FAM91A1: variants seen among roughly 807,000 people sequenced by gnomAD.
FAM91A1 encodes the protein family with sequence similarity 91 member A1, also known as protein FAM91A1.
A neutral mutation model predicts 113.5 loss-of-function variants in FAM91A1; 41 were observed. The observed-to-expected ratio is 0.36, with a 90% confidence interval of 0.28 to 0.47. FAM91A1 has a LOEUF of 0.47. FAM91A1 is among the 20% of genes least tolerant of loss of function. The probability of loss-of-function intolerance (pLI) is 1.00; values close to 1 mark genes in which losing one functional copy is unlikely to be tolerated. For missense variants in FAM91A1, 696 were observed against 1,001.2 expected (o/e 0.70, Z 4.11); for synonymous variants, 307 against 347.9 (o/e 0.88, Z 1.31).
intron 4 of FAM91A1, among the ~76,000 whole-genome samples, chr8:123,777,704 T>C (rs1411896871): frequency 6.6e-6 from 1 of 152,238 alleles, no homozygotes; most frequent in Non-Finnish European, 1.5e-5. Flanking sequence ...ATGCTTACTT[T>C]GGCAAAGTGT....
rs903341811 is a variant in FAM91A1 at position 123,768,513 on chromosome 8, G to T, written c.-190G>T. 7.7e-6 allele frequency: 4 copies of T among 519,230 alleles called. No homozygotes were observed. In the African/African-American group the frequency reaches 8.2e-5, roughly 11 times the overall value. 32.2% of individuals were successfully genotyped at this position (519,230 alleles called of 1,614,324 possible). A position where few individuals can be genotyped will look rare whatever the true frequency, so the allele number is the denominator to read the frequency against. ...GGCGATCCAGCCTCCAATCGCTGCT[G>T]CTCTTGTACTCGGTTGGCCCGGGCG... On this transcript the variant is annotated 5_prime_UTR_variant, in exon 1 of 24. Transcript: ENST00000334705.
intron 16 of FAM91A1, among the ~76,000 whole-genome samples, chr8:123,798,885 G>A (rs138765398): frequency 2.0e-5 from 3 of 152,282 alleles, no homozygotes; most frequent in Admixed American, 6.5e-5. Flanking sequence ...GCCTCAGTGA[G>A]CATCCTGTCT....
At chr8:123,789,805 T>G in intron 15 of FAM91A1, 60 bp downstream of exon 15, 1 of 1,568,864 alleles carries the variant, frequency 6.4e-7, no homozygotes, top group Non-Finnish European at 8.7e-7. Flanking sequence ...TCTAAGAAAT[T>G]AAACAGATCA....
At chr8:123,808,208 G>C (rs899816850) in intron 20 of FAM91A1, 64 bp from the exon 21 acceptor site, 7 of 1,303,402 alleles carry the variant, frequency 5.4e-6, no homozygotes, top group Non-Finnish European at 7.6e-6. Flanking sequence ...TGTTAGGACT[G>C]ATTTATTGGC....
intron 22 of FAM91A1, 106 bp from the exon 23 acceptor site, chr8:123,810,176 C>G (rs1815916145): frequency 4.9e-6 from 5 of 1,028,596 alleles, no homozygotes; most frequent in Non-Finnish European, 7.0e-6. Context: ...TTGTGATTGG[C>G]CAGGATATAT....
chr8:123,772,396 A>G (rs189340428), intron 1 of FAM91A1, among the ~76,000 whole-genome samples: 3 of 152,318 alleles, frequency 2.0e-5, no homozygotes, highest in African/African-American at 7.2e-5. Flanking sequence ...GAAAACCTTT[A>G]AAAGTGTGCT....
intron 15 of FAM91A1, 45 bp from the exon 16 acceptor site, chr8:123,798,045 C>T: frequency 7.8e-6 from 12 of 1,529,956 alleles, no homozygotes; most frequent in Non-Finnish European, 1.1e-5. Context: ...TTTTGTTTCA[C>T]ACTCTCAGTC....
rs1326378886 is a variant in FAM91A1, at chr8:123,792,447, C to T, written c.1411+2702C>T. Among the ~76,000 whole-genome samples, 4 of 152,008 alleles carry T rather than the reference C, an allele frequency of 2.6e-5. No individual in the cohort carries two copies. In the East Asian group the frequency reaches 7.7e-4, roughly 29 times the overall value. Reference sequence around the variant, plus strand: ...AGTCATGCGTGGTCTGTTTTTTTCTCGTTTTCTAAGCATGATTTTTTTCCC... The same window carrying T: ...AGTCATGCGTGGTCTGTTTTTTTCTTGTTTTCTAAGCATGATTTTTTTCCC... On this transcript the variant is annotated intron_variant, in intron 15 of 23. Transcript: ENST00000334705.
At chr8:123,811,422 A>G (rs1268518130) in intron 23 of FAM91A1, 2 of 152,256 alleles carry the variant, frequency 1.3e-5, no homozygotes, top group Non-Finnish European at 2.9e-5. Flanking sequence ...GATGCAATAA[A>G]TGGAAAAATT....
At position 123,812,800 on chromosome 8, in the gene FAM91A1, A is replaced by C; in HGVS notation, c.*96A>C. On this transcript the variant is annotated 3_prime_UTR_variant, in exon 24 of 24. Coordinates refer to ENST00000334705, the MANE Select transcript of FAM91A1 (RefSeq NM_144963.4). ...CCACTAAAAAGCATCCTGCTGCTGC[A>C]GTGCAATTCTTGCTTAACTAATATT... 9.5e-7 allele frequency: 1 copy of C among 1,047,358 alleles called. No individual in the cohort carries two copies. Among genetic ancestry groups the C allele is most frequent in the Admixed American group, 3.5e-5 (1 of 28,288 alleles). 64.9% of individuals were successfully genotyped at this position (1,047,358 alleles called of 1,614,324 possible). A position where few individuals can be genotyped will look rare whatever the true frequency, so the allele number is the denominator to read the frequency against.
At chr8:123,783,196 G>T (rs1025905941) in intron 8 of FAM91A1, among the ~76,000 whole-genome samples, 1 of 151,726 alleles carries the variant, frequency 6.6e-6, no homozygotes, top group African/African-American at 2.4e-5. Flanking sequence ...TAAATAAATA[G>T]ATACATTTAA....
At chr8:123,783,357 TTAA>T (rs2130076762) in intron 8 of FAM91A1, among the ~76,000 whole-genome samples, 1 of 97,788 alleles carries the variant, frequency 1.0e-5, no homozygotes, top group East Asian at 4.1e-4. Context: ...AGGGAAATAA[TTAA>T]TGTTGTCAAA....
At chr8:123,809,806 T>C (rs1815907309) in intron 22 of FAM91A1, among the ~76,000 whole-genome samples, 1 of 152,174 alleles carries the variant, frequency 6.6e-6, no homozygotes, top group Admixed American at 6.6e-5. Flanking sequence ...AAAATAGAAA[T>C]ACTATAGAAC....
intron 22 of FAM91A1, 62 bp from the exon 23 acceptor site, chr8:123,810,220 T>G: frequency 2.0e-6 from 3 of 1,511,116 alleles, no homozygotes; most frequent in South Asian, 1.2e-5. Context: ...TAAACTCTTA[T>G]GAGAAACTCA....
intron 11 of FAM91A1, 92 bp downstream of exon 11, chr8:123,785,833 A>G (rs1815240116): frequency 5.3e-6 from 4 of 750,372 alleles, no homozygotes; most frequent in South Asian, 2.3e-5. Context: ...TTATTTATTT[A>G]TTGAGACAAA....
chr8:123,780,917 G>A (rs1445964845), intron 8 of FAM91A1, among the ~76,000 whole-genome samples: 2 of 151,982 alleles, frequency 1.3e-5, no homozygotes, highest in Non-Finnish European at 2.9e-5. Context: ...ATTTTTTCAT[G>A]TTACTGTAGT....
At chr8:123,774,405 A>G (rs1334223013) in intron 2 of FAM91A1, among the ~76,000 whole-genome samples, 2 of 152,186 alleles carry the variant, frequency 1.3e-5, no homozygotes, top group South Asian at 2.1e-4. Context: ...CTATAAAATA[A>G]TCTTAATTCA....
At chr8:123,805,185 GAC>G (rs1815772735) in intron 18 of FAM91A1, 80 bp from the exon 19 acceptor site, 2 of 1,113,584 alleles carry the variant, frequency 1.8e-6, no homozygotes, top group Non-Finnish European at 2.6e-6. Flanking sequence ...ACCATTACAT[GAC>G]ACAATCTTAT....
intron 23 of FAM91A1, chr8:123,811,161 G>C (rs973093106): frequency 6.6e-6 from 1 of 152,240 alleles, no homozygotes; most frequent in Admixed American, 6.5e-5. Flanking sequence ...CTGTGTCTGG[G>C]AAATGTCCAG....
Sources: allele counts gnomAD v4.1 joint callset (sites outside exome capture counted in the v4.1 genomes callset), GRCh38; gene constraint gnomAD v4.1.1; transcripts MANE v1.5; gene names NCBI Gene and HGNC (gene_info 2026-07-23, HGNC 2026-07-21).